AKR1B10: variants seen among roughly 807,000 people sequenced by gnomAD.
AKR1B10 encodes the protein ARP.
A neutral mutation model predicts 38.9 loss-of-function variants in AKR1B10; 39 were observed. The ratio of observed to expected loss-of-function variants is 1.00; its 90% confidence interval spans 0.78 to 1.31. The LOEUF (loss-of-function observed/expected upper bound fraction) is 1.31. Among genes scored for constraint, AKR1B10 ranks in the 50% most tolerant of loss-of-function variants. AKR1B10 has a pLI of 0.00. For synonymous variants in AKR1B10, 148 were observed against 141.2 expected, an observed-to-expected ratio of 1.05 and a Z score of -0.34; for missense variants, 361 against 382.6, an observed-to-expected ratio of 0.94 and a Z score of 0.47.
chr7:134,540,077 G>C lies in AKR1B10; in HGVS notation c.909-970G>C, dbSNP rs141707764. ...CCCGTCTCTACCAAAAATTAGCTGG[G>C]CGTGGTGGTGGGCACCTGTAGTCCC... On this transcript the variant is annotated intron_variant, in intron 9 of 9. Coordinates refer to ENST00000359579, the MANE Select transcript of AKR1B10 (RefSeq NM_020299.5). Among the ~76,000 whole-genome samples the C allele has an allele frequency of 7.3e-3, 1,117 of 152,216 alleles. 19 individuals carry two copies. Among genetic ancestry groups the C allele is most frequent in the African/African-American group, 0.026 (1,089 of 41,528 alleles).
At chr7:134,532,066 G>A (rs142873661) in intron 3 of AKR1B10, 42 bp downstream of exon 3, 3 of 1,610,216 alleles carry the variant, frequency 1.9e-6, no homozygotes, top group Non-Finnish European at 2.5e-6. Context: ...TTCTGAGCAG[G>A]TGCCAGAAAA....
At chr7:134,536,622 G>A (rs1172992765) in intron 4 of AKR1B10, 28 bp from the exon 5 acceptor site, 1 of 1,612,956 alleles carries the variant, frequency 6.2e-7, no homozygotes, top group Non-Finnish European at 8.5e-7. Flanking sequence ...CTCTAGAGCT[G>A]CCCATAAGGT....
In AKR1B10 at chr7:134,527,726, A is replaced by C; in HGVS notation, c.-186A>C. ...CTGGGAGTCACGGTGGGCGCCTGTA[A>C]TCCCAGCTACTCGGGAGGCTGAGGC... On this transcript the variant is annotated 5_prime_UTR_variant, in exon 1 of 10. Coordinates refer to ENST00000359579, the MANE Select transcript of AKR1B10 (RefSeq NM_020299.5). 1.7e-5 allele frequency: 9 copies of C among 523,224 alleles called. No homozygotes were observed. The highest frequency in any genetic ancestry group is 3.9e-5 in the South Asian group (1 of 25,918). 32.4% of individuals were successfully genotyped at this position (523,224 alleles called of 1,614,324 possible).
intron 4 of AKR1B10, among the ~76,000 whole-genome samples, chr7:134,535,326 A>G (rs1173541182): frequency 6.6e-6 from 1 of 151,986 alleles, no homozygotes; most frequent in Non-Finnish European, 1.5e-5. Flanking sequence ...AGAGTTAAAA[A>G]ACTTACCCTA....
chr7:134,528,737 GAA>G (rs202227612), intron 1 of AKR1B10, among the ~76,000 whole-genome samples: 2,103 of 151,658 alleles, frequency 0.014, 60 homozygotes, highest in African/African-American at 0.048. Flanking sequence ...AAGAAAGAGA[GAA>G]AGAGAGAGAG....
intron 5 of AKR1B10, 125 bp downstream of exon 5, chr7:134,536,897 G>A (rs1808023934): frequency 4.4e-6 from 7 of 1,575,018 alleles, no homozygotes; most frequent in Non-Finnish European, 5.2e-6. Flanking sequence ...ACTTTGGGGA[G>A]GTGTGAGGCT....
Position 134,539,022 on chromosome 7 carries a change from G to A in AKR1B10, c.908+5G>A. The A allele has an allele frequency of 6.2e-7, 1 of 1,614,082 alleles. No individual in the cohort carries two copies. The highest frequency in any genetic ancestry group is 1.7e-4 in the Middle Eastern group (1 of 6,058). ...GAGGGCCTGTAACGTGTTGCAGTAA[G>A]TGGCATGGAGTTAACTAGAAGCATT... On this transcript the variant is annotated splice_donor_5th_base_variant and intron_variant, in intron 9 of 9. Transcript: ENST00000359579.
intron 8 of AKR1B10, 22 bp downstream of exon 8, chr7:134,538,299 C>T (rs55687324): frequency 1.2e-6 from 2 of 1,604,022 alleles, no homozygotes; most frequent in East Asian, 4.5e-5. Flanking sequence ...GCTGGTCGGC[C>T]CTGGTATTCC....
chr7:134,536,168 T>C (rs1807996312), intron 4 of AKR1B10, among the ~76,000 whole-genome samples: 2 of 152,296 alleles, frequency 1.3e-5, no homozygotes, highest in African/African-American at 4.8e-5. Flanking sequence ...AAGTGAGGCT[T>C]CTCCGTATGC....
chr7:134,533,100 C>T lies in AKR1B10; in HGVS notation c.429+19C>T, dbSNP rs1322877093. ...CTGGGAGGTAGGTTCCCAGCTTCCT[C>T]TAAGTGTGCTGGGAGAGAAATCTTC... On this transcript the variant is annotated intron_variant, in intron 4 of 9. Transcript: ENST00000359579. 1 of 1,573,370 alleles carries T rather than the reference C, an allele frequency of 6.4e-7. No homozygotes were observed. Among genetic ancestry groups the T allele is most frequent in the African/African-American group, 1.4e-5 (1 of 72,870 alleles).
chr7:134,537,013 C>T, intron 5 of AKR1B10, 38 bp from the exon 6 acceptor site: 1 of 1,553,516 alleles, frequency 6.4e-7, no homozygotes, highest in South Asian at 1.3e-5. Flanking sequence ...CAAAACAGAG[C>T]CGGCTTTCCC....
chr7:134,528,069 G>C, intron 1 of AKR1B10, 92 bp downstream of exon 1: 2 of 1,514,714 alleles, frequency 1.3e-6, no homozygotes, highest in South Asian at 1.2e-5. Context: ...CCTGGAGGTC[G>C]GGCAGGGGTT....
chr7:134,533,226 C>G, intron 4 of AKR1B10, 145 bp downstream of exon 4: 1 of 667,034 alleles, frequency 1.5e-6, no homozygotes, highest in Non-Finnish European at 2.5e-6. Context: ...TCTTCCTCAT[C>G]ACCTTTGGCT....
In AKR1B10 at chr7:134,533,033, T is replaced by C; in HGVS notation, c.381T>C (p.Asp127=). Residue 127 remains aspartate (D), a synonymous_variant, in exon 4 of 10, where the codon GAT becomes GAC. Transcript: ENST00000359579. ...KSGDDLFPKD[D]KGNAIGGKAT... is the part of the protein sequence containing the mutation. ...GGGATGACCTTTTCCCCAAAGATGA[T>C]AAAGGTAATGCCATCGGTGGAAAAG... 1.9e-6 allele frequency: 3 copies of C among 1,602,388 alleles called. No individual in the cohort carries two copies. The highest frequency in any genetic ancestry group is 8.5e-7 in the Non-Finnish European group (1 of 1,176,136).
intron 1 of AKR1B10, 135 bp from the exon 2 acceptor site, chr7:134,530,508 G>T: frequency 2.3e-6 from 2 of 887,980 alleles, no homozygotes; most frequent in Non-Finnish European, 3.4e-6. Flanking sequence ...GTTGCTGAGA[G>T]TGGTGTAATT....
At chr7:134,539,184 C>T (rs1366364090) in intron 9 of AKR1B10, 167 bp downstream of exon 9, 1 of 705,040 alleles carries the variant, frequency 1.4e-6, no homozygotes, top group Admixed American at 2.7e-5. Context: ...CTGTGAGGGA[C>T]ACATCTCTAA....
chr7:134,535,238 G>A (rs78566661), intron 4 of AKR1B10, among the ~76,000 whole-genome samples: 10,196 of 152,128 alleles, frequency 0.067, 603 homozygotes, highest in African/African-American at 0.15. Context: ...TCAGCCTCTG[G>A]TAATATATAT....
At chr7:134,537,461 C>A (rs572966728) in intron 6 of AKR1B10, 119 bp from the exon 7 acceptor site, 45 of 1,244,822 alleles carry the variant, frequency 3.6e-5, no homozygotes, top group Middle Eastern at 2.8e-4. Context: ...CCAGGTCCTC[C>A]TGCCTGTCTC....
At chr7:134,537,684 G>T in intron 7 of AKR1B10, 23 bp downstream of exon 7, 1 of 1,612,394 alleles carries the variant, frequency 6.2e-7, no homozygotes, top group African/African-American at 1.3e-5. Flanking sequence ...TATTTTTCTT[G>T]TTATCCAACA....
Sources: allele counts gnomAD v4.1 joint callset (sites outside exome capture counted in the v4.1 genomes callset), GRCh38; gene constraint gnomAD v4.1.1; transcripts MANE v1.5; gene names NCBI Gene and HGNC (gene_info 2026-07-23, HGNC 2026-07-21).